The following MGAT5 variants were observed in gnomAD, a reference collection of about 807,000 sequenced individuals.
MGAT5 encodes the protein alpha-1,6-mannosylglycoprotein 6-beta-N-acetylglucosaminyltransferase A.
A neutral mutation model predicts 94.3 loss-of-function variants in MGAT5; 30 were observed. That is an observed-to-expected ratio of 0.32 (90% confidence interval 0.24 to 0.43). MGAT5 has a LOEUF of 0.43. Ranked by LOEUF, MGAT5 falls within the 20% of genes least tolerant of loss-of-function variation. The pLI, the probability that MGAT5 is intolerant of heterozygous loss-of-function variation, is 1.00. For missense variants in MGAT5, 691 were observed against 905.5 expected (o/e 0.76, Z 3.04); for synonymous variants, 310 against 322.9 (o/e 0.96, Z 0.43).
chr2:134,298,525 A>T (rs1685826266), intron 2 of MGAT5, among the ~76,000 whole-genome samples: 1 of 152,192 alleles, frequency 6.6e-6, no homozygotes, highest in Non-Finnish European at 1.5e-5. Flanking sequence ...ATGATCAGCA[A>T]ATCAGAGGAG....
intron 6 of MGAT5, 45 bp from the exon 7 acceptor site, chr2:134,341,545 G>A (rs779579540): frequency 2.0e-6 from 3 of 1,493,636 alleles, no homozygotes; most frequent in South Asian, 1.4e-5. Context: ...TGTGCCTTTT[G>A]TATGTGGTTC....
chr2:134,220,337 T>G (rs999955880), intron 1 of MGAT5, among the ~76,000 whole-genome samples: 4 of 151,844 alleles, frequency 2.6e-5, no homozygotes, highest in Admixed American at 2.0e-4. Flanking sequence ...CCCGACCAAA[T>G]GAAATGACCT....
chr2:134,216,324 G>A (rs1230584220), intron 1 of MGAT5, among the ~76,000 whole-genome samples: 3 of 139,952 alleles, frequency 2.1e-5, no homozygotes, highest in Admixed American at 1.4e-4. Flanking sequence ...TCATGTTGTC[G>A]TCCTATGAGA....
intron 1 of MGAT5, among the ~76,000 whole-genome samples, chr2:134,264,400 T>G (rs1030309480): frequency 6.6e-6 from 1 of 152,234 alleles, no homozygotes; most frequent in Non-Finnish European, 1.5e-5. Flanking sequence ...GAACTCCTGA[T>G]ATTAATAGCT....
intron 1 of MGAT5, among the ~76,000 whole-genome samples, chr2:134,150,905 C>T (rs970352385): frequency 3.9e-5 from 6 of 152,178 alleles, no homozygotes; most frequent in African/African-American, 1.4e-4. Flanking sequence ...GTTTGGATCT[C>T]TGTGAGGCTC....
chr2:134,157,993 G>C (rs984192929), intron 1 of MGAT5, among the ~76,000 whole-genome samples: 19 of 152,306 alleles, frequency 1.2e-4, no homozygotes, highest in African/African-American at 4.6e-4. Flanking sequence ...TTGTCTCTGC[G>C]GACAGGTTGT....
At chr2:134,338,135 C>T (rs918930472) in intron 5 of MGAT5, 124 bp from the exon 6 acceptor site, 1 of 796,456 alleles carries the variant, frequency 1.3e-6, no homozygotes, top group East Asian at 2.9e-5. Context: ...GCAGACAAGA[C>T]TTACTTTTGA....
rs530222863 is a variant in MGAT5 at position 134,172,544 on chromosome 2, G to A, written c.-143+52253G>A. ...TGGGACTGCAGGTGCCCACCACCAC[G>A]CCCAGCTAATTTTTTGTATTTTTAG... On this transcript the variant is annotated intron_variant, in intron 1 of 16. Transcript: ENST00000409645. Among the ~76,000 whole-genome samples the A allele has an allele frequency of 4.6e-5, 7 of 152,114 alleles. No homozygotes were observed. In the South Asian group the frequency reaches 1.5e-3, roughly 32 times the overall value.
intron 1 of MGAT5, among the ~76,000 whole-genome samples, chr2:134,245,151 TG>T (rs1267200335): frequency 6.6e-6 from 1 of 152,182 alleles, no homozygotes; most frequent in Non-Finnish European, 1.5e-5. Flanking sequence ...TAGCTGGGAC[TG>T]CAGGCGCCTG....
chr2:134,296,082 G>A lies in MGAT5; in HGVS notation c.407-21447G>A, dbSNP rs547838394. On this transcript the variant is annotated intron_variant, in intron 2 of 15. Coordinates refer to ENST00000281923, the MANE Select transcript of MGAT5 (RefSeq NM_002410.5). ...ACTCTTGAAATACTGTGATCTTGGC[G>A]GTTTAGGCCAAGAGGTGGGGTAAAG... Among the ~76,000 whole-genome samples the A allele has an allele frequency of 5.9e-5, 9 of 152,204 alleles. No individual in the cohort carries two copies. The East Asian group carries it at 1.4e-3, about 23-fold the overall frequency.
chr2:134,270,233 G>A (rs958767014), intron 1 of MGAT5, among the ~76,000 whole-genome samples, 153 bp from the exon 2 acceptor site: 8 of 152,202 alleles, frequency 5.3e-5, no homozygotes, highest in Admixed American at 3.3e-4. Flanking sequence ...AGTTGAAGAC[G>A]GCCCTTGTCA....
At chr2:134,293,268 G>C (rs1317063223) in intron 2 of MGAT5, among the ~76,000 whole-genome samples, 1 of 152,202 alleles carries the variant, frequency 6.6e-6, no homozygotes, top group Non-Finnish European at 1.5e-5. Flanking sequence ...TACATTATCA[G>C]TGGGTACTTG....
chr2:134,217,463 G>A (rs1469311146), intron 1 of MGAT5, among the ~76,000 whole-genome samples: 1 of 152,172 alleles, frequency 6.6e-6, no homozygotes, highest in African/African-American at 2.4e-5. Context: ...AGAGTTACCT[G>A]AGAAAGCAGG....
intron 14 of MGAT5, among the ~76,000 whole-genome samples, chr2:134,437,234 A>G (rs989129180): frequency 2.6e-5 from 4 of 151,896 alleles, no homozygotes; most frequent in African/African-American, 9.7e-5. Flanking sequence ...AGGTGATCCA[A>G]CCACCTTGGC....
At chr2:134,238,855 A>T (rs1277263288) in intron 1 of MGAT5, among the ~76,000 whole-genome samples, 2 of 152,184 alleles carry the variant, frequency 1.3e-5, no homozygotes, top group Non-Finnish European at 2.9e-5. Context: ...AGGTGGGAGA[A>T]TCGCTGGAAC....
intron 13 of MGAT5, 65 bp from the exon 14 acceptor site, chr2:134,428,300 G>C: frequency 6.8e-7 from 1 of 1,465,468 alleles, no homozygotes; most frequent in South Asian, 1.1e-5. Flanking sequence ...GTGAGTCGGA[G>C]GACTGAGGAG....
chr2:134,265,984 A>G (rs1335025655), intron 1 of MGAT5, among the ~76,000 whole-genome samples: 3 of 151,912 alleles, frequency 2.0e-5, no homozygotes, highest in Admixed American at 2.0e-4. Context: ...CCTGACCAAG[A>G]TGGTGAAACC....
chr2:134,360,969 C>T (rs1329053105), intron 9 of MGAT5, among the ~76,000 whole-genome samples: 2 of 152,196 alleles, frequency 1.3e-5, no homozygotes, highest in Non-Finnish European at 2.9e-5. Flanking sequence ...TTACATGGCT[C>T]GTGCATTTCC....
chr2:134,351,114 A>G (rs1175152845), intron 9 of MGAT5, among the ~76,000 whole-genome samples: 1 of 152,238 alleles, frequency 6.6e-6, no homozygotes, highest in Non-Finnish European at 1.5e-5. Flanking sequence ...TAAGTGTTCT[A>G]TTAAGCTCAG....
Sources: gnomAD v4.1 joint callset for allele counts (sites outside exome capture counted in the v4.1 genomes callset) on GRCh38, gnomAD v4.1.1 for gene constraint, MANE v1.5 for transcripts, NCBI Gene and HGNC (gene_info 2026-07-23, HGNC 2026-07-21) for gene names.